UNC45A: variants seen among roughly 807,000 people sequenced by gnomAD.
UNC45A encodes the protein protein unc-45 homolog A.
UNC45A carries 78 observed loss-of-function variants against 103.2 expected under a neutral mutation model. The ratio of observed to expected loss-of-function variants is 0.76; its 90% CI spans 0.63 to 0.91. UNC45A has a LOEUF of 0.91. Ranked by LOEUF, UNC45A falls within the 40% of genes least tolerant of loss-of-function variation. UNC45A has a pLI of 0.00. For missense variants in UNC45A, 1,193 were observed against 1,224.8 expected (o/e 0.97, Z 0.39); for synonymous variants, 495 against 504.6 (o/e 0.98, Z 0.25).
intron 12 of UNC45A, 175 bp from the exon 13 acceptor site, chr15:90,948,479 C>G (rs1404320372): frequency 1.7e-5 from 22 of 1,269,680 alleles, no homozygotes; most frequent in African/African-American, 4.5e-5. Context: ...CTTGGAGGAG[C>G]TGGGGAGGTC....
chr15:90,952,542 C>T (rs777941181), intron 17 of UNC45A: 12 of 184,106 alleles, frequency 6.5e-5, no homozygotes, highest in Non-Finnish European at 1.4e-4. Context: ...GCCTCAGCCT[C>T]CCTGAGTAGC....
At position 90,952,644 on chromosome 15, in the gene UNC45A, C is replaced by T. The variant is rs1567163485; in HGVS notation, c.2304-285C>T. The T allele has an allele frequency of 2.1e-5, 8 of 382,464 alleles. No individual in the cohort carries two copies. In the South Asian group the frequency reaches 2.5e-4, roughly 12 times the overall value. 23.7% of individuals were successfully genotyped at this position (382,464 alleles called of 1,614,324 possible). On this transcript the variant is annotated intron_variant, in intron 17 of 19. Coordinates refer to ENST00000418476, the MANE Select transcript of UNC45A (RefSeq NM_018671.5). ...TTCACCATGTTGGCCAGGCTGGTCT[C>T]GAACTCTTGACCTCAAGTCATCTGC... is the stretch of plus-strand genomic sequence containing the variant.
At position 90,944,341 on chromosome 15, in the gene UNC45A, C is replaced by A. The variant is rs561011712; in HGVS notation, c.1028-551C>A. ...GGCGGAGGCTGCAGTGAGCCGAGAT[C>A]GCGCCATTGCTCTCCAGCCTGGGCA... On this transcript the variant is annotated intron_variant, in intron 8 of 19. Coordinates refer to ENST00000418476, the MANE Select transcript of UNC45A (RefSeq NM_018671.5). Among the ~76,000 whole-genome samples, 4 of 151,934 alleles carry A rather than the reference C, an allele frequency of 2.6e-5. No individual in the cohort carries two copies. In the South Asian group the frequency reaches 6.2e-4, roughly 24 times the overall value.
chr15:90,949,589 A>G, intron 14 of UNC45A, 65 bp from the exon 15 acceptor site: 1 of 1,609,188 alleles, frequency 6.2e-7, no homozygotes, highest in Non-Finnish European at 8.5e-7. Flanking sequence ...TGCTGAGCCT[A>G]GGAGTGCAGC....
chr15:90,941,958 C>CA (rs369044240), intron 6 of UNC45A, among the ~76,000 whole-genome samples: 4,822 of 68,280 alleles, frequency 0.071, 98 homozygotes, highest in Middle Eastern at 0.09. Flanking sequence ...GACTCCGTCT[C>CA]AAAAAAAAAA....
intron 4 of UNC45A, among the ~76,000 whole-genome samples, chr15:90,937,647 C>T (rs1004104188): frequency 4.6e-5 from 7 of 151,960 alleles, no homozygotes; most frequent in South Asian, 2.1e-4. Flanking sequence ...CCACCACGCC[C>T]GGCTAATTTT....
chr15:90,932,051 T>C, upstream of UNC45A: 1 of 1,613,590 alleles, frequency 6.2e-7, no homozygotes. Flanking sequence ...AGGGGGAAAG[T>C]TACCTGTAAC....
chr15:90,931,299 G>C (rs1226608064), upstream of UNC45A: 51 of 1,550,834 alleles, frequency 3.3e-5, no homozygotes, highest in Non-Finnish European at 4.4e-5. Flanking sequence ...CCCGCTGCTT[G>C]AACAGATGCT....
Position 90,946,826 on chromosome 15 carries a change from C to T in UNC45A, c.1412C>T (p.Ala471Val). 6.2e-7 allele frequency: 1 copy of T among 1,614,202 alleles called. No individual in the cohort carries two copies. Among genetic ancestry groups the T allele is most frequent in the Non-Finnish European group, 8.5e-7 (1 of 1,180,036 alleles). ...CATGCAGCCGGCAAGGCTAAGCGGG[C>T]CTCATTCATCACTGCCAATGGTGTC... ...LIHAAGKAKRASFITANGVSL... is the reference protein window; with the variant it reads ...LIHAAGKAKRVSFITANGVSL... Residue 471 changes from alanine (A) to valine (V), a missense_variant, in exon 10 of 20, where the codon GCC becomes GTC. Ala to Val is a moderately conservative substitution (Grantham distance 64, BLOSUM62 0). Coordinates refer to ENST00000418476, the MANE Select transcript of UNC45A (RefSeq NM_018671.5).
At chr15:90,949,859 G>C in intron 15 of UNC45A, 139 bp downstream of exon 15, 2 of 953,736 alleles carry the variant, frequency 2.1e-6, no homozygotes, top group Non-Finnish European at 3.2e-6. Flanking sequence ...GTCCCGCTGA[G>C]AGAGTGACGC....
At chr15:90,931,840 A>G, upstream of UNC45A, 1 of 1,614,070 alleles carries the variant, frequency 6.2e-7, no homozygotes, top group South Asian at 1.1e-5. Flanking sequence ...GAGTCTTGTC[A>G]TCTGTTACCT....
intron 13 of UNC45A, 24 bp downstream of exon 13, chr15:90,948,818 G>C (rs770025921): frequency 3.8e-6 from 6 of 1,573,864 alleles, no homozygotes; most frequent in Admixed American, 1.8e-5. Context: ...AGAGGGGCTA[G>C]AGGGTTCCCC....
chr15:90,950,887 G>A (rs1414718722), intron 17 of UNC45A, among the ~76,000 whole-genome samples: 1 of 152,222 alleles, frequency 6.6e-6, no homozygotes, highest in Non-Finnish European at 1.5e-5. Context: ...TCTGTGAAAT[G>A]GGATGATTAT....
Position 90,953,736 on chromosome 15 carries a change from A to C in UNC45A, c.*20A>C, listed in dbSNP as rs907740128. On this transcript the variant is annotated 3_prime_UTR_variant, in exon 20 of 20. Coordinates refer to ENST00000418476, the MANE Select transcript of UNC45A (RefSeq NM_018671.5). Reference sequence around the variant, plus strand: ...GAGTGAGGGGGTTGTCCCTGGGCCCAAGGCTCATGCACACGCTACCTATTG... The same window carrying C: ...GAGTGAGGGGGTTGTCCCTGGGCCCCAGGCTCATGCACACGCTACCTATTG... The C allele has an allele frequency of 4.3e-6, 7 of 1,610,572 alleles. No individual in the cohort carries two copies. In the East Asian group the frequency reaches 1.6e-4, roughly 36 times the overall value.
upstream of UNC45A, chr15:90,932,693 C>G: frequency 2.4e-6 from 1 of 421,782 alleles, no homozygotes; most frequent in Non-Finnish European, 4.0e-6. Context: ...CTGACCGGCC[C>G]GCGCAGAGAG....
chr15:90,954,025 A>C lies in UNC45A; in HGVS notation c.*309A>C. On this transcript the variant is annotated 3_prime_UTR_variant, in exon 20 of 20. Coordinates refer to ENST00000418476, the MANE Select transcript of UNC45A (RefSeq NM_018671.5). ...CTGGGGCATCTGGAAGGGCGCACAC[A>C]TCAGCAGCCTCACCAGCTGTGAGCC... 2.5e-6 allele frequency: 1 copy of C among 402,804 alleles called. No homozygotes were observed. 25.0% of individuals were successfully genotyped at this position (402,804 alleles called of 1,614,324 possible).
intron 3 of UNC45A, 61 bp from the exon 4 acceptor site, chr15:90,936,224 A>G: frequency 1.9e-6 from 3 of 1,555,906 alleles, no homozygotes; most frequent in Middle Eastern, 1.7e-4. Context: ...ATCTTTCCCT[A>G]CTGCTCTTGC....
At position 90,949,311 on chromosome 15, in the gene UNC45A, C is replaced by G; in HGVS notation, c.1879-5C>G. 6.2e-7 allele frequency: 1 copy of G among 1,610,832 alleles called. No homozygotes were observed. Among genetic ancestry groups the G allele is most frequent in the Non-Finnish European group, 8.5e-7 (1 of 1,179,886 alleles). On this transcript the variant is annotated splice_polypyrimidine_tract_variant and splice_region_variant and intron_variant, in intron 13 of 19. Transcript: ENST00000418476. ...GCCCCTCTCCTAAGCTGCCTCCTCC[C>G]CCAGGACAAGCCAAGCTTCGTGCGG...
intron 4 of UNC45A, among the ~76,000 whole-genome samples, chr15:90,937,564 G>T (rs2036083774): frequency 6.7e-6 from 1 of 149,490 alleles, no homozygotes; most frequent in African/African-American, 2.5e-5. Flanking sequence ...TTGGCTCACT[G>T]CAACCTCTGC....
Sources: allele counts gnomAD v4.1 joint callset (sites outside exome capture counted in the v4.1 genomes callset), GRCh38; gene constraint gnomAD v4.1.1; transcripts MANE v1.5; gene names NCBI Gene and HGNC (gene_info 2026-07-23, HGNC 2026-07-21).